The following OGFRL1 variants were observed in gnomAD, a reference collection of about 807,000 sequenced individuals.
The protein encoded by OGFRL1 is opioid growth factor receptor-like protein 1.
Under a neutral mutation model 32.4 loss-of-function variants are expected in OGFRL1, and 26 were observed. That is an observed-to-expected ratio of 0.80 (90% CI 0.59 to 1.11). The LOEUF (loss-of-function observed/expected upper bound fraction) is 1.11. OGFRL1 is among the 50% of genes most tolerant of loss of function. The pLI, the probability that OGFRL1 is intolerant of heterozygous loss-of-function variation, is 0.00. For missense variants in OGFRL1, 521 were observed against 546.4 expected (o/e 0.95, Z 0.46); for synonymous variants, 211 against 201.2 (o/e 1.05, Z -0.41).
Position 71,301,519 on chromosome 6 carries a change from A to G in OGFRL1, c.826A>G (p.Lys276Glu). The part of the protein sequence containing the change: ...ALVENTIPNI[K>E]QSALEYFVYT... ...TGTGGAGAATACTATTCCCAATATT[A>G]AGCAGAGTGCTCTAGAGTATTTTGT... Residue 276 changes from lysine (K) to glutamate (E), a missense_variant, in exon 7 of 7, where the codon AAG becomes GAG. Transcript: ENST00000370435. 1 of 1,614,128 alleles carries G rather than the reference A, an allele frequency of 6.2e-7. No homozygotes were observed. Among genetic ancestry groups the G allele is most frequent in the Non-Finnish European group, 8.5e-7 (1 of 1,180,010 alleles).
Position 71,289,750 on chromosome 6 carries a change from A to G in OGFRL1, c.234+580A>G, listed in dbSNP as rs1055334050. 23 of 985,108 alleles carry G rather than the reference A, an allele frequency of 2.3e-5. No homozygotes were observed. In the African/African-American group the frequency reaches 4.0e-4, roughly 17 times the overall value. The allele number at this position is 985,108 out of a possible 1,614,324, so 61.0% of individuals were successfully genotyped here. On this transcript the variant is annotated intron_variant, in intron 1 of 6. Coordinates refer to ENST00000370435, the MANE Select transcript of OGFRL1 (RefSeq NM_024576.5). ...GGGCATTCTTCACGAATCTTATTTCACCAGAAGACTTGTTGATCCAACTGT... is the reference window on the plus strand; with the variant it reads ...GGGCATTCTTCACGAATCTTATTTCGCCAGAAGACTTGTTGATCCAACTGT...
intron 1 of OGFRL1, chr6:71,289,671 T>C (rs937065657): frequency 1.1e-5 from 11 of 984,496 alleles, no homozygotes; most frequent in African/African-American, 3.5e-5. Flanking sequence ...GGCCCTCATC[T>C]GAAGTTCATA....
chr6:71,291,905 C>T (rs1287070452), intron 1 of OGFRL1: 1 of 152,122 alleles, frequency 6.6e-6, no homozygotes, highest in Non-Finnish European at 1.5e-5. Flanking sequence ...GGACTTGGGA[C>T]CCAGAGCCTG....
chr6:71,293,789 T>G (rs78338640), intron 3 of OGFRL1, among the ~76,000 whole-genome samples, 178 bp downstream of exon 3: 2,394 of 152,264 alleles, frequency 0.016, 25 homozygotes, highest in Middle Eastern at 0.024. Flanking sequence ...TTTACATTGC[T>G]ATTATCTGAA....
Position 71,288,980 on chromosome 6 carries a change from C to A in OGFRL1, c.44C>A (p.Thr15Asn). The stretch of plus-strand genomic sequence containing the variant: ...GGGGTCAGCTTCCGCGAGCCCACCA[C>A]CGTGGAGGACTGCGACTCCACCTGG... ...LGGVSFREPT[T>N]VEDCDSTWQT... Residue 15 changes from threonine (T) to asparagine (N), a missense_variant, in exon 1 of 7, where the codon ACC (threonine) becomes AAC (asparagine). By Grantham distance (65) the Thr-to-Asn change is moderately conservative (BLOSUM62 0). Transcript: ENST00000370435. 1.4e-6 allele frequency: 2 copies of A among 1,393,076 alleles called. No homozygotes were observed. The highest frequency in any genetic ancestry group is 1.9e-6 in the Non-Finnish European group (2 of 1,057,710). The allele number at this position is 1,393,076 out of a possible 1,614,324, so 86.3% of individuals were successfully genotyped here.
Position 71,305,065 on chromosome 6 carries a change from G to A in OGFRL1, c.*3016G>A, listed in dbSNP as rs558505009. On this transcript the variant is annotated 3_prime_UTR_variant, in exon 7 of 7. Transcript: ENST00000370435. ...CGATATGCTTGCAGAAATTCATTGA[G>A]AAGCTGTTATAAAAAATGCAGTGAA... The A allele has an allele frequency of 5.9e-5, 9 of 152,136 alleles. No individual in the cohort carries two copies. The highest frequency in any genetic ancestry group is 2.2e-4 in the African/African-American group (9 of 41,578). 9.4% of individuals were successfully genotyped at this position (152,136 alleles called of 1,614,324 possible). A position where few individuals can be genotyped will look rare whatever the true frequency, so the allele number is the denominator to read the frequency against.
rs1483897817 is a variant in OGFRL1, at chr6:71,293,368, C to T, written c.310C>T (p.His104Tyr). 7.4e-6 allele frequency: 12 copies of T among 1,613,570 alleles called. No homozygotes were observed. The highest frequency in any genetic ancestry group is 9.3e-6 in the Non-Finnish European group (11 of 1,179,660). ...YAARDLYKYR[H>Y]QYPNFKDIRY... ...TGCCAGGGATTTGTACAAGTACCGA[C>T]ACCAGTACCCAGTAAGAGTATAGAA... is the stretch of plus-strand genomic sequence containing the variant. The change falls in exon 2 of 7, where the codon CAC becomes TAC. Residue 104 changes from histidine (H) to tyrosine (Y), a missense_variant. Transcript: ENST00000370435.
chr6:71,301,541 T>C lies in OGFRL1; in HGVS notation c.848T>C (p.Phe283Ser). The change falls in exon 7 of 7, where the codon TTT becomes TCT. Residue 283 changes from phenylalanine (F) to serine (S), a missense_variant. Physicochemically the swap from Phe to Ser is radical, Grantham distance 155. Transcript: ENST00000370435. The stretch of plus-strand genomic sequence containing the variant: ...ATTAAGCAGAGTGCTCTAGAGTATT[T>C]TGTTTATACAATTAGAGACAGAAGA... ...PNIKQSALEY[F>S]VYTIRDRRER... The C allele has an allele frequency of 6.2e-7, 1 of 1,614,202 alleles. No homozygotes were observed. The highest frequency in any genetic ancestry group is 1.1e-5 in the South Asian group (1 of 91,070).
Position 71,301,953 on chromosome 6 carries a change from T to A in OGFRL1, c.1260T>A (p.Ser420Arg). 5.0e-6 allele frequency: 8 copies of A among 1,609,872 alleles called. No homozygotes were observed. The highest frequency in any genetic ancestry group is 6.8e-6 in the Non-Finnish European group (8 of 1,178,904). Reference sequence around the variant, plus strand: ...CTACTCCCACAGAAAAAAAGGAGAGTGTATCTCCTGAGAATAACGAAGAAG... The same window carrying A: ...CTACTCCCACAGAAAAAAAGGAGAGAGTATCTCCTGAGAATAACGAAGAAG... ...TVTTPTEKKE[S>R]VSPENNEEGG... is the part of the protein sequence containing the mutation. Residue 420 changes from serine to arginine, a missense_variant, in exon 7 of 7, where the codon AGT becomes AGA. Transcript: ENST00000370435.
Position 71,289,044 on chromosome 6 carries a change from G to T in OGFRL1, c.108G>T (p.Pro36=). Residue 36 remains proline, a synonymous_variant, in exon 1 of 7, where the codon CCG becomes CCT. Transcript: ENST00000370435. ...DSEPEPEEPG[P]GGGSEGPGQE... ...AGCCCGAGCCCGAAGAACCAGGGCC[G>T]GGCGGCGGCAGCGAGGGCCCGGGGC... The T allele has an allele frequency of 7.6e-7, 1 of 1,310,376 alleles. No individual in the cohort carries two copies. Among genetic ancestry groups the T allele is most frequent in the Non-Finnish European group, 9.9e-7 (1 of 1,012,682 alleles). 81.2% of individuals were successfully genotyped at this position (1,310,376 alleles called of 1,614,324 possible).
chr6:71,293,826 G>A (rs1766124200), intron 3 of OGFRL1, among the ~76,000 whole-genome samples: 1 of 152,074 alleles, frequency 6.6e-6, no homozygotes, highest in Non-Finnish European at 1.5e-5. Context: ...TTTTGTGACA[G>A]GAAGAGAGAG....
chr6:71,301,549 A>G lies in OGFRL1; in HGVS notation c.856A>G (p.Thr286Ala), dbSNP rs563435080. 1 of 1,614,190 alleles carries G rather than the reference A, an allele frequency of 6.2e-7. No individual in the cohort carries two copies. Among genetic ancestry groups the G allele is most frequent in the East Asian group, 2.2e-5 (1 of 44,894 alleles). Residue 286 changes from threonine to alanine, a missense_variant, in exon 7 of 7, where the codon ACA becomes GCA. Thr to Ala is a moderately conservative substitution (Grantham distance 58, BLOSUM62 0). Coordinates refer to ENST00000370435, the MANE Select transcript of OGFRL1 (RefSeq NM_024576.5). The part of the protein sequence containing the change: ...KQSALEYFVY[T>A]IRDRRERRKL... Reference sequence around the variant, plus strand: ...GAGTGCTCTAGAGTATTTTGTTTATACAATTAGAGACAGAAGAGAAAGGAG... The same window carrying G: ...GAGTGCTCTAGAGTATTTTGTTTATGCAATTAGAGACAGAAGAGAAAGGAG...
chr6:71,304,905 T>A lies in OGFRL1; in HGVS notation c.*2856T>A, dbSNP rs149731234. 6.6e-6 allele frequency: 1 copy of A among 152,120 alleles called. No homozygotes were observed. The highest frequency in any genetic ancestry group is 1.9e-4 in the East Asian group (1 of 5,188). The allele number at this position is 152,120 out of a possible 1,614,324, so 9.4% of individuals were successfully genotyped here. On this transcript the variant is annotated 3_prime_UTR_variant, in exon 7 of 7. Transcript: ENST00000370435. The stretch of plus-strand genomic sequence containing the variant: ...ATTCCTTTTGGAGATAAACATTGAG[T>A]GTCTAGAATTTTTTTCTATTAATGC...
At position 71,288,977 on chromosome 6, in the gene OGFRL1, C is replaced by T. The variant is rs1234714678; in HGVS notation, c.41C>T (p.Thr14Ile). The T allele has an allele frequency of 3.6e-6, 5 of 1,395,066 alleles. No individual in the cohort carries two copies. Among genetic ancestry groups the T allele is most frequent in the African/African-American group, 1.5e-5 (1 of 65,782 alleles). The allele number at this position is 1,395,066 out of a possible 1,614,324, so 86.4% of individuals were successfully genotyped here. A position where few individuals can be genotyped will look rare whatever the true frequency, so the allele number is the denominator to read the frequency against. ...GGCGGGGTCAGCTTCCGCGAGCCCA[C>T]CACCGTGGAGGACTGCGACTCCACC... The part of the protein sequence containing the change: ...LLGGVSFREP[T>I]TVEDCDSTWQ... Residue 14 changes from threonine (T) to isoleucine (I), a missense_variant, in exon 1 of 7, where the codon ACC becomes ATC. By Grantham distance (89) the Thr-to-Ile change is moderately conservative. Transcript: ENST00000370435.
chr6:71,302,079 G>C lies in OGFRL1; in HGVS notation c.*30G>C. On this transcript the variant is annotated 3_prime_UTR_variant, in exon 7 of 7. Transcript: ENST00000370435. ...TCAGAAAACCCAGAAGCCAGTTTAG[G>C]CTAGAGAGGAAAAAACTACTGTATC... 6.8e-7 allele frequency: 1 copy of C among 1,473,366 alleles called. No homozygotes were observed. Among genetic ancestry groups the C allele is most frequent in the Non-Finnish European group, 8.9e-7 (1 of 1,121,714 alleles). The allele number at this position is 1,473,366 out of a possible 1,614,324, so 91.3% of individuals were successfully genotyped here.
At chr6:71,297,350 T>C (rs545767700) in intron 6 of OGFRL1, among the ~76,000 whole-genome samples, 1 of 152,326 alleles carries the variant, frequency 6.6e-6, no homozygotes, top group South Asian at 2.1e-4. Flanking sequence ...AAACAAAAAC[T>C]CATTTTTGGG....
At chr6:71,298,712 G>C (rs1405997524) in intron 6 of OGFRL1, among the ~76,000 whole-genome samples, 1 of 152,122 alleles carries the variant, frequency 6.6e-6, no homozygotes, top group Admixed American at 6.6e-5. Flanking sequence ...AACTGCCTTA[G>C]AATCTGCCAG....
rs763894913 is a variant in OGFRL1 at position 71,301,776 on chromosome 6, A to G, written c.1083A>G (p.Lys361=). ...CCTCAGCTGTTCATTTAAATAGCAAAACAGCTGAAGACAAAAAAGTGGCAC... is the reference window on the plus strand; with the variant it reads ...CCTCAGCTGTTCATTTAAATAGCAAGACAGCTGAAGACAAAAAAGTGGCAC... ...NSSSAVHLNS[K]TAEDKKVAPK... is the part of the protein sequence containing the mutation. The change falls in exon 7 of 7, where the codon AAA becomes AAG. Residue 361 remains lysine, a synonymous_variant. Transcript: ENST00000370435. The G allele has an allele frequency of 6.2e-7, 1 of 1,614,000 alleles. No homozygotes were observed. Among genetic ancestry groups the G allele is most frequent in the East Asian group, 2.2e-5 (1 of 44,884 alleles).
rs898567449 is a variant in OGFRL1 at position 71,309,008 on chromosome 6, A to C, written c.*6959A>C. ...TTTTTTATGATTAACACATAAGACT[A>C]ACATTATTTTCTTTTATCCTCAAAA... On this transcript the variant is annotated 3_prime_UTR_variant, in exon 7 of 7. Transcript: ENST00000370435. 4.6e-5 allele frequency: 7 copies of C among 152,182 alleles called. No individual in the cohort carries two copies. The highest frequency in any genetic ancestry group is 1.3e-4 in the Admixed American group (2 of 15,274). The allele number at this position is 152,182 out of a possible 1,614,324, so 9.4% of individuals were successfully genotyped here. A position where few individuals can be genotyped will look rare whatever the true frequency, so the allele number is the denominator to read the frequency against.
Sources: allele counts gnomAD v4.1 joint callset (sites outside exome capture counted in the v4.1 genomes callset), GRCh38; gene constraint gnomAD v4.1.1; transcripts MANE v1.5; gene names NCBI Gene and HGNC (gene_info 2026-07-23, HGNC 2026-07-21).